NTN4: variants seen among roughly 807,000 people sequenced by gnomAD.
NTN4 encodes the protein netrin-4.
In NTN4, 32 loss-of-function variants were observed where a neutral mutation model predicts 73.6. The ratio of observed to expected loss-of-function variants is 0.44; its 90% confidence interval spans 0.33 to 0.58. The LOEUF is 0.58. NTN4 is among the 20% of genes least tolerant of loss of function. The pLI is 0.04. For missense variants in NTN4, 654 were observed against 798.3 expected (o/e 0.82, Z 2.18); for synonymous variants, 258 against 287.5 (o/e 0.90, Z 1.04).
chr12:95,754,789 C>T (rs1225364605), intron 2 of NTN4, among the ~76,000 whole-genome samples: 1 of 152,202 alleles, frequency 6.6e-6, no homozygotes, highest in Non-Finnish European at 1.5e-5. Context: ...CCTTCACTGA[C>T]TCTCTTTTCG....
At chr12:95,660,841 G>A (rs149043837) in intron 9 of NTN4, among the ~76,000 whole-genome samples, 17 of 152,216 alleles carry the variant, frequency 1.1e-4, no homozygotes, top group African/African-American at 4.1e-4. Flanking sequence ...TGAAATGACT[G>A]AGAAAAAAAT....
intron 3 of NTN4, among the ~76,000 whole-genome samples, chr12:95,724,294 T>C (rs947800912): frequency 1.3e-5 from 2 of 152,222 alleles, no homozygotes; most frequent in African/African-American, 4.8e-5. Context: ...TTACCAATTA[T>C]GAGATTTTTT....
chr12:95,752,867 C>T (rs2078920436), intron 2 of NTN4, among the ~76,000 whole-genome samples: 1 of 152,200 alleles, frequency 6.6e-6, no homozygotes, highest in African/African-American at 2.4e-5. Flanking sequence ...AAACTATGCT[C>T]AACTCACTCT....
intron 9 of NTN4, among the ~76,000 whole-genome samples, chr12:95,665,530 T>C (rs2120921649): frequency 6.6e-6 from 1 of 152,368 alleles, no homozygotes; most frequent in African/African-American, 2.4e-5. Context: ...GTGCTTTCTA[T>C]GCAACTGGCA....
At chr12:95,697,996 T>C (rs2078454967) in intron 5 of NTN4, among the ~76,000 whole-genome samples, 1 of 152,212 alleles carries the variant, frequency 6.6e-6, no homozygotes, top group Non-Finnish European at 1.5e-5. Flanking sequence ...AACAACTATT[T>C]ACACAGCATT....
chr12:95,673,002 G>T (rs1047672913), intron 7 of NTN4: 1 of 1,271,166 alleles, frequency 7.9e-7, no homozygotes, highest in East Asian at 2.4e-5. Flanking sequence ...TGGAGTTCCT[G>T]GGGGATGAAG....
intron 5 of NTN4, 32 bp from the exon 6 acceptor site, chr12:95,683,743 A>G (rs2078338394): frequency 1.3e-6 from 2 of 1,533,178 alleles, no homozygotes; most frequent in African/African-American, 1.4e-5. Flanking sequence ...AGGATCAAAG[A>G]CTGACTGTAG....
intron 2 of NTN4, among the ~76,000 whole-genome samples, chr12:95,756,048 G>C (rs2078945076): frequency 6.6e-6 from 1 of 152,192 alleles, no homozygotes; most frequent in African/African-American, 2.4e-5. Context: ...CTGAGAACTT[G>C]AAGTGATTTG....
chr12:95,693,240 G>T (rs749065074), intron 5 of NTN4, among the ~76,000 whole-genome samples: 11 of 151,820 alleles, frequency 7.2e-5, no homozygotes, highest in Non-Finnish European at 1.5e-4. Flanking sequence ...GTAGTTCAGG[G>T]TGCATGAGAA....
chr12:95,722,526 T>C (rs1248686640), intron 3 of NTN4, among the ~76,000 whole-genome samples: 1 of 152,068 alleles, frequency 6.6e-6, no homozygotes, highest in Non-Finnish European at 1.5e-5. Flanking sequence ...CTCGGGAGGC[T>C]GAGGTTGAGG....
At chr12:95,756,965 G>A (rs560309326) in intron 2 of NTN4, among the ~76,000 whole-genome samples, 41 of 152,140 alleles carry the variant, frequency 2.7e-4, no homozygotes, top group Non-Finnish European at 3.5e-4. Context: ...TATTCAGGAA[G>A]CTCTCTTTAT....
chr12:95,700,269 A>G (rs560731422), intron 5 of NTN4, among the ~76,000 whole-genome samples: 1 of 149,890 alleles, frequency 6.7e-6, no homozygotes, highest in South Asian at 2.1e-4. Flanking sequence ...CAGCTAATTA[A>G]TTTTTTTTTA....
chr12:95,739,976 G>A (rs1361412703), intron 2 of NTN4: 1 of 152,226 alleles, frequency 6.6e-6, no homozygotes, highest in Non-Finnish European at 1.5e-5. Context: ...TCTGCTTCCT[G>A]AGCCCAGACA....
chr12:95,704,971 C>T (rs10507058), intron 5 of NTN4, among the ~76,000 whole-genome samples: 44,576 of 152,044 alleles, frequency 0.29, 7,483 homozygotes, highest in South Asian at 0.47. Flanking sequence ...AATTTTCCTA[C>T]TTGGTGCATT....
At chr12:95,785,813 TA>T (rs1300521765) in intron 2 of NTN4, among the ~76,000 whole-genome samples, 2 of 152,218 alleles carry the variant, frequency 1.3e-5, no homozygotes, top group African/African-American at 4.8e-5. Flanking sequence ...CTAGTTTCTG[TA>T]GCCATGGTGA....
In NTN4 at chr12:95,733,004, G is replaced by A. The variant is rs375672378; in HGVS notation, c.864+4862C>T. ...TCAGCATTTACCCTCAGACTTAGACGCATCAGTCAAAATATTGACCATCTT... is the reference window on the plus strand; with the variant it reads ...TCAGCATTTACCCTCAGACTTAGACACATCAGTCAAAATATTGACCATCTT... On this transcript the variant is annotated intron_variant, in intron 3 of 9. Transcript: ENST00000343702. Among the ~76,000 whole-genome samples the A allele has an allele frequency of 3.9e-5, 6 of 152,182 alleles. No homozygotes were observed. In the South Asian group the frequency reaches 1.0e-3, roughly 26 times the overall value.
Position 95,672,789 on chromosome 12 carries a change from C to T in NTN4, c.1511-2643G>A, listed in dbSNP as rs1216199036. 42 of 1,314,210 alleles carry T rather than the reference C, an allele frequency of 3.2e-5. No homozygotes were observed. In the Middle Eastern group the frequency reaches 7.7e-4, roughly 24 times the overall value. 81.4% of individuals were successfully genotyped at this position (1,314,210 alleles called of 1,614,324 possible). Reference sequence around the variant, plus strand: ...AGAGTCTGAAGGACACTATTGCCAGCGCTCTGCCCTTTTGGAATAAAGAAA... The same window carrying T: ...AGAGTCTGAAGGACACTATTGCCAGTGCTCTGCCCTTTTGGAATAAAGAAA... On this transcript the variant is annotated intron_variant, in intron 7 of 9. Transcript: ENST00000343702.
At chr12:95,692,237 T>C (rs147524502) in intron 5 of NTN4, among the ~76,000 whole-genome samples, 2,690 of 152,132 alleles carry the variant, frequency 0.018, 72 homozygotes, top group African/African-American at 0.057. Flanking sequence ...GGTTTTACCA[T>C]GCTGGCCAGA....
intron 9 of NTN4, among the ~76,000 whole-genome samples, chr12:95,663,881 A>C (rs927328636): frequency 7.9e-5 from 12 of 152,160 alleles, no homozygotes; most frequent in African/African-American, 2.9e-4. Context: ...ATGTCTCACT[A>C]AACTGGGCAG....
Sources: allele counts gnomAD v4.1 joint callset (sites outside exome capture counted in the v4.1 genomes callset), GRCh38; gene constraint gnomAD v4.1.1; transcripts MANE v1.5; gene names NCBI Gene and HGNC (gene_info 2026-07-23, HGNC 2026-07-21).